Variants in IQCM observed in about 807,000 individuals in gnomAD.
IQCM encodes the protein IQ motif containing M.
IQCM carries 45 observed loss-of-function variants against 57.6 expected under a neutral mutation model. The observed-to-expected ratio is 0.78, with a 90% CI of 0.62 to 1.00. IQCM has a LOEUF of 1.00. IQCM is among the 50% of genes least tolerant of loss of function. The pLI, the probability that IQCM is intolerant of heterozygous loss-of-function variation, is 0.00. For synonymous variants in IQCM, 148 were observed against 158.9 expected (o/e 0.93, Z 0.51); for missense variants, 468 against 511.6 (o/e 0.91, Z 0.82).
Position 149,368,788 on chromosome 4 carries a change from ATATATACATATATATACATG to A in IQCM, c.1391-16742_1391-16723del, listed in dbSNP as rs1287272093. ...TATATATACATATATATACATGTAT[ATATATACATATATATACATG>A]TATATATATACATATATATACATGT... is the stretch of plus-strand genomic sequence containing the variant. On this transcript the variant is annotated intron_variant, in intron 13 of 13. Transcript: ENST00000636793. 9.4e-4 allele frequency among the ~76,000 whole-genome samples: 108 copies of A among 114,322 alleles called. 1 individual carries two copies. The highest frequency in any genetic ancestry group is 1.6e-3 in the Non-Finnish European group (84 of 53,148). 75.0% of individuals were successfully genotyped at this position (114,322 alleles called of 152,430 possible). A position where few individuals can be genotyped will look rare whatever the true frequency, so the allele number is the denominator to read the frequency against.
chr4:149,467,531 G>A (rs889478793), intron 12 of IQCM, among the ~76,000 whole-genome samples: 3 of 152,202 alleles, frequency 2.0e-5, no homozygotes, highest in Non-Finnish European at 4.4e-5. Flanking sequence ...TAGGACTTCA[G>A]TTGGAAACAT....
intron 2 of IQCM, among the ~76,000 whole-genome samples, chr4:149,802,511 A>G (rs1299587817): frequency 1.3e-5 from 2 of 151,944 alleles, no homozygotes; most frequent in Admixed American, 6.6e-5. Flanking sequence ...CCTGTCAAAC[A>G]ACTTGTATTG....
chr4:149,622,744 T>C (rs1035844811), intron 7 of IQCM, among the ~76,000 whole-genome samples: 1 of 152,142 alleles, frequency 6.6e-6, no homozygotes, highest in Non-Finnish European at 1.5e-5. Context: ...TTAAGATGTA[T>C]ACACCCTTAC....
intron 12 of IQCM, among the ~76,000 whole-genome samples, chr4:149,522,058 C>G (rs902318449): frequency 6.6e-6 from 1 of 152,196 alleles, no homozygotes; most frequent in Non-Finnish European, 1.5e-5. Context: ...ATGCTAGTCT[C>G]CCTCTCACTG....
At chr4:149,619,232 G>A (rs939960733) in intron 8 of IQCM, among the ~76,000 whole-genome samples, 10 of 151,876 alleles carry the variant, frequency 6.6e-5, no homozygotes, top group South Asian at 2.1e-4. Flanking sequence ...AAATGACTCC[G>A]AAGCAGAAAG....
At chr4:149,368,148 T>C (rs1410076786) in intron 13 of IQCM, among the ~76,000 whole-genome samples, 1 of 152,060 alleles carries the variant, frequency 6.6e-6, no homozygotes, top group African/African-American at 2.4e-5. Context: ...TTTTATATTC[T>C]TTATTAAGAA....
intron 13 of IQCM, among the ~76,000 whole-genome samples, chr4:149,381,905 G>C (rs1402858011): frequency 6.6e-6 from 1 of 152,046 alleles, no homozygotes; most frequent in Non-Finnish European, 1.5e-5. Context: ...TTCCCGAGTA[G>C]CTGGGATTAC....
intron 13 of IQCM, among the ~76,000 whole-genome samples, chr4:149,383,005 A>AG (rs1342620318): frequency 3.9e-5 from 6 of 152,030 alleles, no homozygotes; most frequent in African/African-American, 1.4e-4. Flanking sequence ...AAAAAAAAAA[A>AG]AAAGAAAAAT....
intron 9 of IQCM, among the ~76,000 whole-genome samples, chr4:149,579,836 C>T (rs1561015350): frequency 6.6e-6 from 1 of 151,796 alleles, no homozygotes; most frequent in South Asian, 2.1e-4. Context: ...TTGAAGACTT[C>T]ATCCTATCCC....
intron 7 of IQCM, among the ~76,000 whole-genome samples, chr4:149,640,634 C>A (rs1758099988): frequency 6.6e-6 from 1 of 152,262 alleles, no homozygotes; most frequent in Non-Finnish European, 1.5e-5. Context: ...ATTTCTATAT[C>A]ATCTTTAAGG....
intron 9 of IQCM, among the ~76,000 whole-genome samples, chr4:149,579,843 T>C (rs1472578422): frequency 6.6e-6 from 1 of 151,788 alleles, no homozygotes; most frequent in Non-Finnish European, 1.5e-5. Flanking sequence ...CTTCATCCTA[T>C]CCCAAGATCA....
chr4:149,778,518 A>G (rs1286070993), intron 2 of IQCM, among the ~76,000 whole-genome samples: 1 of 152,190 alleles, frequency 6.6e-6, no homozygotes, highest in African/African-American at 2.4e-5. Flanking sequence ...TTGAGTTTTC[A>G]CCTTCAAGAA....
intron 12 of IQCM, among the ~76,000 whole-genome samples, chr4:149,497,657 A>C (rs1467872293): frequency 6.6e-6 from 1 of 151,760 alleles, no homozygotes; most frequent in African/African-American, 2.4e-5. Flanking sequence ...TCAAGATAAG[A>C]TCTGAGTGGG....
At chr4:149,630,089 T>TA (rs1252840350) in intron 7 of IQCM, among the ~76,000 whole-genome samples, 1 of 152,180 alleles carries the variant, frequency 6.6e-6, no homozygotes, top group Non-Finnish European at 1.5e-5. Context: ...ATAATAGCTT[T>TA]AGAAAGCTTT....
At chr4:149,506,857 T>C (rs1419026530) in intron 12 of IQCM, among the ~76,000 whole-genome samples, 1 of 151,510 alleles carries the variant, frequency 6.6e-6, no homozygotes, top group Non-Finnish European at 1.5e-5. Context: ...GCAGCAAGAG[T>C]GTGAGGGGAA....
At chr4:149,366,332 C>T (rs557946649) in intron 13 of IQCM, among the ~76,000 whole-genome samples, 2 of 152,042 alleles carry the variant, frequency 1.3e-5, no homozygotes, top group South Asian at 2.1e-4. Context: ...AAATATACTA[C>T]TTATGGCTTT....
chr4:149,632,559 G>A (rs1757359857), intron 7 of IQCM, among the ~76,000 whole-genome samples: 2 of 152,030 alleles, frequency 1.3e-5, no homozygotes, highest in Admixed American at 6.6e-5. Flanking sequence ...TTTACTGAAA[G>A]TTAATGTAAT....
intron 12 of IQCM, among the ~76,000 whole-genome samples, chr4:149,525,439 C>A (rs562389625): frequency 1.3e-5 from 2 of 151,884 alleles, no homozygotes; most frequent in South Asian, 2.1e-4. Flanking sequence ...AACTTTATAA[C>A]AGACACATGG....
intron 13 of IQCM, among the ~76,000 whole-genome samples, chr4:149,371,627 TAA>T (rs1443723519): frequency 6.6e-6 from 1 of 152,182 alleles, no homozygotes; most frequent in Non-Finnish European, 1.5e-5. Context: ...CGATGAAAAC[TAA>T]GATTAGTCAA....
Sources: gnomAD v4.1 joint callset for allele counts (sites outside exome capture counted in the v4.1 genomes callset) on GRCh38, gnomAD v4.1.1 for gene constraint, MANE v1.5 for transcripts, NCBI Gene and HGNC (gene_info 2026-07-23, HGNC 2026-07-21) for gene names.